Variants in EPC2 observed in about 807,000 individuals in gnomAD.
EPC2 encodes the protein enhancer of polycomb homolog 2.
Under a neutral mutation model 92.1 loss-of-function variants are expected in EPC2, and 14 were observed. The ratio of observed to expected loss-of-function variants is 0.15; its 90% CI spans 0.10 to 0.24. The LOEUF (loss-of-function observed/expected upper bound fraction) is 0.24. Ranked by LOEUF, EPC2 falls within the 10% of genes least tolerant of loss-of-function variation. The pLI is 1.00. For synonymous variants in EPC2, 340 were observed against 334.7 expected, an observed-to-expected ratio of 1.02 and a Z score of -0.17; for missense variants, 755 against 971.5, an observed-to-expected ratio of 0.78 and a Z score of 2.96.
At chr2:148,734,514 C>T (rs1270798466) in intron 2 of EPC2, among the ~76,000 whole-genome samples, 1 of 152,084 alleles carries the variant, frequency 6.6e-6, no homozygotes, top group East Asian at 1.9e-4. Flanking sequence ...TAGTACTTGA[C>T]TTTCACTTCT....
At chr2:148,668,080 G>A (rs1445222745) in intron 1 of EPC2, among the ~76,000 whole-genome samples, 2 of 152,070 alleles carry the variant, frequency 1.3e-5, no homozygotes, top group African/African-American at 4.8e-5. Flanking sequence ...TGTATTTTTA[G>A]TAGAGACAGT....
At chr2:148,645,925 T>C (rs1683790158) in intron 1 of EPC2, among the ~76,000 whole-genome samples, 1 of 152,252 alleles carries the variant, frequency 6.6e-6, no homozygotes, top group Non-Finnish European at 1.5e-5. Flanking sequence ...AGAATTGTCA[T>C]TGCGAGGTGG....
At chr2:148,693,489 C>T (rs1312180411) in intron 2 of EPC2, among the ~76,000 whole-genome samples, 2 of 152,110 alleles carry the variant, frequency 1.3e-5, no homozygotes, top group African/African-American at 4.8e-5. Context: ...TAAGGCACTC[C>T]TTTGTGCCTG....
At chr2:148,690,175 T>C in intron 1 of EPC2, 39 bp from the exon 2 acceptor site, 2 of 1,545,534 alleles carry the variant, frequency 1.3e-6, no homozygotes, top group Non-Finnish European at 1.7e-6. Flanking sequence ...TGATTAATAT[T>C]ACTAAAACAA....
rs144733607 is a variant in EPC2 at position 148,707,979 on chromosome 2, G to A, written c.313+17606G>A. On this transcript the variant is annotated intron_variant, in intron 2 of 13. Transcript: ENST00000258484. ...AAACACATTCAAAAGCTAGCAGAAG[G>A]CAAGAAATAACTTAAGATCAGAGCA... Among the ~76,000 whole-genome samples the A allele has an allele frequency of 7.7e-3, 1,177 of 152,050 alleles. 7 individuals are homozygous for A. The highest frequency in any genetic ancestry group is 0.013 in the Non-Finnish European group (868 of 68,000).
chr2:148,747,975 G>C (rs2105411437), intron 3 of EPC2, among the ~76,000 whole-genome samples: 1 of 152,094 alleles, frequency 6.6e-6, no homozygotes, highest in Admixed American at 6.6e-5. Flanking sequence ...TTGTGTCCCT[G>C]CTCAAATATC....
intron 1 of EPC2, among the ~76,000 whole-genome samples, chr2:148,668,002 G>A (rs1181271978): frequency 1.3e-5 from 2 of 152,038 alleles, no homozygotes; most frequent in African/African-American, 4.8e-5. Context: ...AGGTTCAAGC[G>A]ATTCTCCTGC....
chr2:148,776,856 C>CTTTTTTTTTTTTTTTTTTTTTTTT (rs56073706), intron 10 of EPC2, among the ~76,000 whole-genome samples: 1 of 101,042 alleles, frequency 9.9e-6, no homozygotes, highest in African/African-American at 3.7e-5. Flanking sequence ...GTCTCTCTCT[C>CTTTTTTTTTTTTTTTTTTTTTTTT]TTTTTTTTTT....
intron 7 of EPC2, among the ~76,000 whole-genome samples, chr2:148,768,082 C>T (rs1056154364): frequency 6.6e-6 from 1 of 152,176 alleles, no homozygotes; most frequent in African/African-American, 2.4e-5. Flanking sequence ...TGACCCTGCT[C>T]AGTGGTAATT....
intron 2 of EPC2, among the ~76,000 whole-genome samples, chr2:148,700,410 G>A (rs1681848032): frequency 6.6e-6 from 1 of 151,936 alleles, no homozygotes; most frequent in Non-Finnish European, 1.5e-5. Flanking sequence ...AAGGGTATAA[G>A]TTCTATATCT....
rs1683767916 is a variant in EPC2, at chr2:148,782,296, G to C, written c.1857+516G>C. Among the ~76,000 whole-genome samples, 4 of 152,202 alleles carry C rather than the reference G, an allele frequency of 2.6e-5. No individual in the cohort carries two copies. In the South Asian group the frequency reaches 8.3e-4, roughly 32 times the overall value. ...TCATGCCTGTAATCCCAGCACTTTG[G>C]GCGGCCGAGGCGGGCAGATCACTTG... On this transcript the variant is annotated intron_variant, in intron 11 of 13. Transcript: ENST00000258484.
At chr2:148,747,041 A>G (rs1682998259) in intron 3 of EPC2, among the ~76,000 whole-genome samples, 1 of 152,194 alleles carries the variant, frequency 6.6e-6, no homozygotes, top group Non-Finnish European at 1.5e-5. Flanking sequence ...AAAATAAATA[A>G]TAAAACACTT....
chr2:148,693,991 T>C (rs1681691515), intron 2 of EPC2, among the ~76,000 whole-genome samples: 1 of 152,176 alleles, frequency 6.6e-6, no homozygotes, highest in Non-Finnish European at 1.5e-5. Context: ...TTTTTTTTCT[T>C]TGAATTTCAC....
chr2:148,753,852 T>A (rs1683124695), intron 3 of EPC2, 75 bp from the exon 4 acceptor site: 27 of 1,321,110 alleles, frequency 2.0e-5, no homozygotes, highest in Non-Finnish European at 2.7e-5. Flanking sequence ...TCGCATTTTT[T>A]TCTACAGCCA....
At chr2:148,780,681 T>G (rs192014542) in intron 10 of EPC2, among the ~76,000 whole-genome samples, 2 of 152,292 alleles carry the variant, frequency 1.3e-5, no homozygotes, top group Admixed American at 1.3e-4. Context: ...TGCATTATAG[T>G]AGATAGTAAA....
chr2:148,759,445 A>G (rs1255412428), intron 4 of EPC2, among the ~76,000 whole-genome samples: 1 of 152,216 alleles, frequency 6.6e-6, no homozygotes, highest in African/African-American at 2.4e-5. Context: ...TCCTTATAGC[A>G]GTAACTATAT....
chr2:148,755,696 T>G (rs557381743), intron 4 of EPC2, among the ~76,000 whole-genome samples: 1 of 152,342 alleles, frequency 6.6e-6, no homozygotes, highest in African/African-American at 2.4e-5. Flanking sequence ...TTTATGTAAG[T>G]ACACTGTGAC....
At chr2:148,658,877 T>C (rs563552623) in intron 1 of EPC2, among the ~76,000 whole-genome samples, 64 of 152,130 alleles carry the variant, frequency 4.2e-4, no homozygotes, top group Non-Finnish European at 6.3e-4. Context: ...TTAAAAGATA[T>C]ATATGTATAT....
chr2:148,770,180 C>G (rs888183442), intron 8 of EPC2, among the ~76,000 whole-genome samples: 1 of 152,126 alleles, frequency 6.6e-6, no homozygotes, highest in African/African-American at 2.4e-5. Flanking sequence ...CCTGGGATTA[C>G]AGGCGCATAC....
Sources: allele counts gnomAD v4.1 joint callset (sites outside exome capture counted in the v4.1 genomes callset), GRCh38; gene constraint gnomAD v4.1.1; transcripts MANE v1.5; gene names NCBI Gene and HGNC (gene_info 2026-07-23, HGNC 2026-07-21).